The following GDF11 variants were observed in gnomAD, a reference collection of about 807,000 sequenced individuals.
GDF11 encodes growth/differentiation factor 11.
Under a neutral mutation model 34.4 loss-of-function variants are expected in GDF11, and 12 were observed. The observed-to-expected ratio is 0.35, with a 90% confidence interval of 0.22 to 0.57. GDF11 has a LOEUF of 0.57. GDF11 is among the 20% of genes least tolerant of loss of function. GDF11 has a pLI of 0.86. For synonymous variants in GDF11, 212 were observed against 231.1 expected, an observed-to-expected ratio of 0.92 and a Z score of 0.75; for missense variants, 346 against 548.2, an observed-to-expected ratio of 0.63 and a Z score of 3.68.
At chr12:55,744,283 C>T (rs1394018894) in intron 1 of GDF11, among the ~76,000 whole-genome samples, 1 of 152,194 alleles carries the variant, frequency 6.6e-6, no homozygotes, top group Non-Finnish European at 1.5e-5. Context: ...GCCCTGTACA[C>T]CTCCTGGCAG....
chr12:55,746,163 G>A (rs1878181519), intron 1 of GDF11, among the ~76,000 whole-genome samples: 3 of 152,122 alleles, frequency 2.0e-5, no homozygotes, highest in Admixed American at 2.0e-4. Flanking sequence ...TCAGAGCTCG[G>A]CATATGTGTG....
At chr12:55,746,360 C>CA (rs2136166285) in intron 1 of GDF11, among the ~76,000 whole-genome samples, 1 of 152,340 alleles carries the variant, frequency 6.6e-6, no homozygotes, top group African/African-American at 2.4e-5. Flanking sequence ...CTCAAACTCT[C>CA]AAACTTATTC....
At position 55,748,694 on chromosome 12, in the gene GDF11, G is replaced by A. The variant is rs761792675; in HGVS notation, c.554G>A (p.Arg185Gln). 6 of 1,614,098 alleles carry A rather than the reference G, an allele frequency of 3.7e-6. No individual in the cohort carries two copies. The highest frequency in any genetic ancestry group is 1.7e-5 in the Admixed American group (1 of 60,006). Residue 185 changes from arginine (R) to glutamine (Q), a missense_variant, in exon 2 of 3, where the codon CGG becomes CAG. By Grantham distance (43) the Arg-to-Gln change is conservative. Transcript: ENST00000257868. This position sits in a 1 kb window ranked among gnomAD's most constrained non-coding sequence, Gnocchi z 5.6. ...AAGGCCCAGCTGTGGGTGTACCTAC[G>A]GCCTGTACCCCGCCCAGCCACAGTC... ...VLKAQLWVYL[R>Q]PVPRPATVYL...
rs1167652806 is a variant in GDF11 at position 55,743,400 on chromosome 12, C to T, written c.84C>T (p.Pro28=). The change falls in exon 1 of 3, where the codon CCC becomes CCT. Residue 28 remains proline (P), a synonymous_variant. Transcript: ENST00000257868. ...CCCGGGGGGAGGCGGCCGAGGGCCC[C>T]GCGGCGGCGGCGGCGGCGGCGGCGG... is the stretch of plus-strand genomic sequence containing the variant. The part of the protein sequence containing the change: ...LRPRGEAAEG[P]AAAAAAAAAA... 1 of 992,854 alleles carries T rather than the reference C, an allele frequency of 1.0e-6. No homozygotes were observed. The highest frequency in any genetic ancestry group is 6.2e-5 in the Admixed American group (1 of 16,156). 61.5% of individuals were successfully genotyped at this position (992,854 alleles called of 1,614,324 possible).
At chr12:55,746,654 A>G (rs1163946626) in intron 1 of GDF11, among the ~76,000 whole-genome samples, 1 of 152,234 alleles carries the variant, frequency 6.6e-6, no homozygotes, top group Non-Finnish European at 1.5e-5. Context: ...AGGGAGGGTT[A>G]TGTTTAGAGC....
At position 55,750,711 on chromosome 12, in the gene GDF11, G is replaced by A. The variant is rs940557793; in HGVS notation, c.*829G>A. 1.3e-5 allele frequency: 2 copies of A among 152,192 alleles called. No homozygotes were observed. Among genetic ancestry groups the A allele is most frequent in the African/African-American group, 4.8e-5 (2 of 41,444 alleles). 9.4% of individuals were successfully genotyped at this position (152,192 alleles called of 1,614,324 possible). On this transcript the variant is annotated 3_prime_UTR_variant, in exon 3 of 3. Coordinates refer to ENST00000257868, the MANE Select transcript of GDF11 (RefSeq NM_005811.5). ...TTTTCTGAGCCAAATGGCTTGAATT[G>A]AAGCCAGTTGTCATGGAAATAGTAA...
chr12:55,749,557 T>C lies in GDF11; in HGVS notation c.899T>C (p.Leu300Pro), dbSNP rs1165110498. The C allele has an allele frequency of 6.2e-7, 1 of 1,613,638 alleles. No homozygotes were observed. ...AACACAAAACGTTCCCGGCGGAACC[T>C]GGGTCTGGACTGCGACGAGCACTCA... is the stretch of plus-strand genomic sequence containing the variant. The part of the protein sequence containing the change: ...LENTKRSRRN[L>P]GLDCDEHSSE... The change falls in exon 3 of 3, where the codon CTG becomes CCG. Residue 300 changes from leucine to proline, a missense_variant. Physicochemically the swap from Leu to Pro is moderately conservative, Grantham distance 98. Around this residue, in one of 3 missense-constraint regions of GDF11, gnomAD observed 205 missense variants for 311.3 expected, o/e 0.66. Transcript: ENST00000257868. The surrounding 1 kb of genome is among the most constrained non-coding windows in gnomAD (Gnocchi z 5.6).
Position 55,743,358 on chromosome 12 carries a change from C to G in GDF11, c.42C>G (p.Leu14=), listed in dbSNP as rs1479203238. Reference sequence around the variant, plus strand: ...CGCTGCTGCTGGGCTTCCTGCTCCTCGCCCTGGAGCTGCGGCCCCGGGGGG... The same window carrying G: ...CGCTGCTGCTGGGCTTCCTGCTCCTGGCCCTGGAGCTGCGGCCCCGGGGGG... ...AAPLLLGFLL[L]ALELRPRGEA... The change falls in exon 1 of 3, where the codon CTC becomes CTG. Residue 14 remains leucine, a synonymous_variant. Coordinates refer to ENST00000257868, the MANE Select transcript of GDF11 (RefSeq NM_005811.5). The G allele has an allele frequency of 3.0e-6, 3 of 985,984 alleles. No homozygotes were observed. Among genetic ancestry groups the G allele is most frequent in the Non-Finnish European group, 2.4e-6 (2 of 831,982 alleles). The allele number at this position is 985,984 out of a possible 1,614,324, so 61.1% of individuals were successfully genotyped here.
chr12:55,745,032 C>A (rs1005791111), intron 1 of GDF11, among the ~76,000 whole-genome samples: 2 of 152,112 alleles, frequency 1.3e-5, no homozygotes, highest in African/African-American at 4.8e-5. Context: ...AGGAAACTGG[C>A]TGTGGGGGTG....
At chr12:55,744,325 G>A (rs1332715511) in intron 1 of GDF11, among the ~76,000 whole-genome samples, 1 of 143,020 alleles carries the variant, frequency 7.0e-6, no homozygotes, top group East Asian at 1.9e-4. Context: ...CCTGACCCCT[G>A]TCTCAGACCG....
chr12:55,747,002 C>CA (rs1878199562), intron 1 of GDF11, among the ~76,000 whole-genome samples: 1 of 152,188 alleles, frequency 6.6e-6, no homozygotes, highest in African/African-American at 2.4e-5. Flanking sequence ...ACTGAAGCTA[C>CA]AATGGTGAGC....
At position 55,749,501 on chromosome 12, in the gene GDF11, GCAT is replaced by G. The variant is rs766271674; in HGVS notation, c.845_847del (p.His282del). ...TTCTTTCCCCTCTCCCTGACCCTCA[GCAT>G]CCATTCATGGAGCTTCGAGTCCTAG... On this transcript the variant is annotated inframe_deletion and splice_region_variant, in exon 3 of 3. Transcript: ENST00000257868. This position sits in a 1 kb window ranked among gnomAD's most constrained non-coding sequence, Gnocchi z 5.6. 1 of 1,604,044 alleles carries G rather than the reference GCAT, an allele frequency of 6.2e-7. No individual in the cohort carries two copies. The highest frequency in any genetic ancestry group is 8.5e-7 in the Non-Finnish European group (1 of 1,172,500).
At chr12:55,745,931 C>T (rs1878175305) in intron 1 of GDF11, among the ~76,000 whole-genome samples, 1 of 152,010 alleles carries the variant, frequency 6.6e-6, no homozygotes, top group South Asian at 2.1e-4. Flanking sequence ...CCCTCTCAGC[C>T]CAACCTCCTG....
In GDF11 at chr12:55,752,224, A is replaced by C. The variant is rs989750811; in HGVS notation, c.*2342A>C. ...AACAGATACCTCCCTCCAAGGTCAA[A>C]TGCCTCGTGATCTTGGCAGAGTAGG... On this transcript the variant is annotated 3_prime_UTR_variant, in exon 3 of 3. Coordinates refer to ENST00000257868, the MANE Select transcript of GDF11 (RefSeq NM_005811.5). 5 of 152,180 alleles carry C rather than the reference A, an allele frequency of 3.3e-5. No homozygotes were observed. The highest frequency in any genetic ancestry group is 5.9e-5 in the Non-Finnish European group (4 of 68,042). 9.4% of individuals were successfully genotyped at this position (152,180 alleles called of 1,614,324 possible).
Position 55,743,248 on chromosome 12 carries a change from T to C in GDF11, c.-69T>C. On this transcript the variant is annotated 5_prime_UTR_variant, in exon 1 of 3. Transcript: ENST00000257868. ...GGACCCCCTCCTCCTCCCTCCCTCC[T>C]CCCTCCGCCCCCTCCCCGCGGGACT... 1 of 346,474 alleles carries C rather than the reference T, an allele frequency of 2.9e-6. No homozygotes were observed. Among genetic ancestry groups the C allele is most frequent in the Non-Finnish European group, 3.9e-6 (1 of 258,460 alleles). 21.5% of individuals were successfully genotyped at this position (346,474 alleles called of 1,614,324 possible).
In GDF11 at chr12:55,749,981, C is replaced by G. The variant is rs764111001; in HGVS notation, c.*99C>G. On this transcript the variant is annotated 3_prime_UTR_variant, in exon 3 of 3. Coordinates refer to ENST00000257868, the MANE Select transcript of GDF11 (RefSeq NM_005811.5). The surrounding 1 kb of genome is among the most constrained non-coding windows in gnomAD (Gnocchi z 5.6). The stretch of plus-strand genomic sequence containing the variant: ...CCTAGAGCTCCCTCCACTCTTCCCG[C>G]GAACATCACACCGTTCCCCGACCAA... 3 of 1,023,032 alleles carry G rather than the reference C, an allele frequency of 2.9e-6. No individual in the cohort carries two copies. The highest frequency in any genetic ancestry group is 3.0e-5 in the South Asian group (2 of 65,608). 63.4% of individuals were successfully genotyped at this position (1,023,032 alleles called of 1,614,324 possible). A position where few individuals can be genotyped will look rare whatever the true frequency, so the allele number is the denominator to read the frequency against.
In GDF11 at chr12:55,755,361, AAG is replaced by A. The variant is rs1878474247; in HGVS notation, c.*5481_*5482del. The stretch of plus-strand genomic sequence containing the variant: ...GCAGTTTAGAGTGAGAGTGGAAAAA[AAG>A]AATAATCCTAGAGAACCATAAAAAA... On this transcript the variant is annotated 3_prime_UTR_variant, in exon 3 of 3. Coordinates refer to ENST00000257868, the MANE Select transcript of GDF11 (RefSeq NM_005811.5). 1.3e-5 allele frequency: 2 copies of A among 152,302 alleles called. No individual in the cohort carries two copies. The allele number at this position is 152,302 out of a possible 1,614,324, so 9.4% of individuals were successfully genotyped here.
rs569649154 is a variant in GDF11, at chr12:55,753,560, C to G, written c.*3678C>G. ...CGAGGCGGGCGGATCATGCAAGGTC[C>G]GGAGTTCGAGACCATGCTGGCCAAC... On this transcript the variant is annotated 3_prime_UTR_variant, in exon 3 of 3. Transcript: ENST00000257868. The G allele has an allele frequency of 6.6e-6, 1 of 151,882 alleles. No homozygotes were observed. Among genetic ancestry groups the G allele is most frequent in the Non-Finnish European group, 1.5e-5 (1 of 67,956 alleles). The allele number at this position is 151,882 out of a possible 1,614,324, so 9.4% of individuals were successfully genotyped here.
Position 55,747,877 on chromosome 12 carries a change from T to A in GDF11, c.446-709T>A, listed in dbSNP as rs138356743. Among the ~76,000 whole-genome samples the A allele has an allele frequency of 2.2e-4, 33 of 152,340 alleles. No individual in the cohort carries two copies. In the East Asian group the frequency reaches 6.0e-3, roughly 28 times the overall value. On this transcript the variant is annotated intron_variant, in intron 1 of 2. Coordinates refer to ENST00000257868, the MANE Select transcript of GDF11 (RefSeq NM_005811.5). ...GCAACACCATGGAGGTAATTATTCCTTTCCTCAAGAGCTGGGGGCAGTCAT... is the reference window on the plus strand; with the variant it reads ...GCAACACCATGGAGGTAATTATTCCATTCCTCAAGAGCTGGGGGCAGTCAT...
Sources: allele counts gnomAD v4.1 joint callset (sites outside exome capture counted in the v4.1 genomes callset), GRCh38; gene constraint gnomAD v4.1.1; regional missense constraint gnomAD v4.1.1; non-coding constraint Gnocchi (gnomAD v3.1); transcripts MANE v1.5; gene names NCBI Gene and HGNC (gene_info 2026-07-23, HGNC 2026-07-21).